PRKAG2: variants seen among roughly 807,000 people sequenced by gnomAD.
PRKAG2 encodes protein kinase AMP-activated non-catalytic subunit gamma 2.
Under a neutral mutation model 69.6 loss-of-function variants are expected in PRKAG2, and 26 were observed. That is an observed-to-expected ratio of 0.37 (90% CI 0.27 to 0.52). PRKAG2 has a LOEUF of 0.52. PRKAG2 is among the 20% of genes least tolerant of loss of function. PRKAG2 has a pLI of 0.90. For synonymous variants in PRKAG2, 293 were observed against 285.0 expected, an observed-to-expected ratio of 1.03 and a Z score of -0.28; for missense variants, 557 against 740.0, an observed-to-expected ratio of 0.75 and a Z score of 2.87.
At chr7:151,734,845 ATTC>A (rs1187094422) in intron 3 of PRKAG2, among the ~76,000 whole-genome samples, 39 of 122,982 alleles carry the variant, frequency 3.2e-4, no homozygotes, top group African/African-American at 1.2e-3. Context: ...CCTAAATCTG[ATTC>A]TTTTTTTTTT....
chr7:151,648,216 A>G (rs1827879274), intron 4 of PRKAG2, among the ~76,000 whole-genome samples: 1 of 152,168 alleles, frequency 6.6e-6, no homozygotes, highest in South Asian at 2.1e-4. Flanking sequence ...TCATTCTATC[A>G]TATCCCCATA....
rs1017264722 is a variant in PRKAG2, at chr7:151,814,229, G to A, written c.115-27688C>T. 6.6e-6 allele frequency among the ~76,000 whole-genome samples: 1 copy of A among 152,292 alleles called. No individual in the cohort carries two copies. The highest frequency in any genetic ancestry group is 2.4e-5 in the African/African-American group (1 of 41,552). The stretch of plus-strand genomic sequence containing the variant: ...AAGGAGAAAACATACAGCTTCCGTG[G>A]AGAGAAGGAACATTTTGCTCAGCCT... On this transcript the variant is annotated intron_variant, in intron 1 of 15. Transcript: ENST00000287878. The surrounding 1 kb of genome is among the most constrained non-coding windows in gnomAD (Gnocchi z 4.8).
rs2076009561 is a variant in PRKAG2 at position 151,771,297 on chromosome 7, C to A, written c.466+9855G>T. ...AACATTATATCACTTCTATCAGCAC[C>A]ACGTTTCTTGTCTTTCCAAGTCTGC... On this transcript the variant is annotated intron_variant, in intron 3 of 15. Coordinates refer to ENST00000287878, the MANE Select transcript of PRKAG2 (RefSeq NM_016203.4). This position sits in a 1 kb window ranked among gnomAD's most constrained non-coding sequence, Gnocchi z 4.0. 6.6e-6 allele frequency among the ~76,000 whole-genome samples: 1 copy of A among 152,112 alleles called. No homozygotes were observed. The highest frequency in any genetic ancestry group is 6.5e-5 in the Admixed American group (1 of 15,274).
intron 3 of PRKAG2, among the ~76,000 whole-genome samples, chr7:151,751,515 A>T (rs925031350): frequency 3.6e-4 from 54 of 150,136 alleles, no homozygotes; most frequent in Non-Finnish European, 5.2e-4. Flanking sequence ...TTATTTATTT[A>T]TTTATTTTTT....
At chr7:151,558,760 A>G in intron 15 of PRKAG2, 1 of 985,436 alleles carries the variant, frequency 1.0e-6, no homozygotes, top group Non-Finnish European at 1.2e-6. Flanking sequence ...TCCAAATTCC[A>G]GCTGGAAATA....
chr7:151,607,546 A>G (rs1455535137), intron 5 of PRKAG2, among the ~76,000 whole-genome samples: 1 of 152,058 alleles, frequency 6.6e-6, no homozygotes, highest in Non-Finnish European at 1.5e-5. Context: ...GGTTATAAGC[A>G]TGAGTCACTG....
chr7:151,766,459 G>T (rs1185270318), intron 3 of PRKAG2, among the ~76,000 whole-genome samples: 1 of 152,190 alleles, frequency 6.6e-6, no homozygotes, highest in Admixed American at 6.5e-5. Context: ...CAACAGACAT[G>T]TTCATCTCAC....
chr7:151,803,821 C>T (rs558177280), intron 1 of PRKAG2, among the ~76,000 whole-genome samples: 14 of 150,904 alleles, frequency 9.3e-5, no homozygotes, highest in Admixed American at 4.6e-4. Flanking sequence ...GCCTATAGTC[C>T]CAGCAACTCA....
intron 9 of PRKAG2, among the ~76,000 whole-genome samples, chr7:151,571,583 A>G (rs143080731): frequency 1.2e-3 from 177 of 152,332 alleles, no homozygotes; most frequent in African/African-American, 3.9e-3. Flanking sequence ...AATATCATGT[A>G]ATGTCAAAAC....
chr7:151,865,889 G>A (rs530058416), intron 1 of PRKAG2, among the ~76,000 whole-genome samples: 20 of 152,108 alleles, frequency 1.3e-4, no homozygotes, highest in South Asian at 2.1e-4. Flanking sequence ...GTGTGGTGGC[G>A]GGCGCCCGTA....
At position 151,675,633 on chromosome 7, in the gene PRKAG2, G is replaced by T. The variant is rs141804012; in HGVS notation, c.471C>A (p.Ser157=). The stretch of plus-strand genomic sequence containing the variant: ...GTGTTGACGGAGAGGAGGAGAGGCC[G>T]GAGGCTGCAGAAGAAACACCAAGGA... ...IRFFSRSRKT[S]GLSSSPSTPT... is the part of the protein sequence containing the mutation. Residue 157 remains serine, a synonymous_variant, in exon 4 of 16, where the codon TCC becomes TCA. Coordinates refer to ENST00000287878, the MANE Select transcript of PRKAG2 (RefSeq NM_016203.4). 4.2e-5 allele frequency: 67 copies of T among 1,612,482 alleles called. No individual in the cohort carries two copies. The highest frequency in any genetic ancestry group is 5.2e-5 in the Non-Finnish European group (61 of 1,178,624).
chr7:151,631,787 G>A (rs1824499585), intron 5 of PRKAG2: 2 of 483,606 alleles, frequency 4.1e-6, no homozygotes, highest in Middle Eastern at 3.3e-4. Context: ...CGAGTTCGGC[G>A]AGTAAGGACA....
At position 151,632,025 on chromosome 7, in the gene PRKAG2, G is replaced by A. The variant is rs1277620994; in HGVS notation, c.754+44C>T. ...CGCGGGTCCCGGTCCTCGGGCGGCC[G>A]GGCCGTGGGAGCGCCGGGCCGGCAG... On this transcript the variant is annotated intron_variant, in intron 5 of 15. Coordinates refer to ENST00000287878, the MANE Select transcript of PRKAG2 (RefSeq NM_016203.4). The surrounding 1 kb of genome is among the most constrained non-coding windows in gnomAD (Gnocchi z 4.2). 2 of 1,269,582 alleles carry A rather than the reference G, an allele frequency of 1.6e-6. No individual in the cohort carries two copies. Among genetic ancestry groups the A allele is most frequent in the Non-Finnish European group, 2.0e-6 (2 of 998,780 alleles). The allele number at this position is 1,269,582 out of a possible 1,614,324, so 78.6% of individuals were successfully genotyped here. A position where few individuals can be genotyped will look rare whatever the true frequency, so the allele number is the denominator to read the frequency against.
At chr7:151,795,864 T>TACACAC (rs1171646056) in intron 1 of PRKAG2, among the ~76,000 whole-genome samples, 1 of 112,072 alleles carries the variant, frequency 8.9e-6, no homozygotes, top group Non-Finnish European at 1.8e-5. Context: ...TATATATATA[T>TACACAC]ATATATATAT....
At chr7:151,729,854 GC>G (rs1798645837) in intron 3 of PRKAG2, among the ~76,000 whole-genome samples, 1 of 152,118 alleles carries the variant, frequency 6.6e-6, no homozygotes, top group Admixed American at 6.5e-5. Context: ...CCGACCCCTC[GC>G]CCTGCCTCCA....
chr7:151,732,789 T>C (rs941043190), intron 3 of PRKAG2, among the ~76,000 whole-genome samples: 5 of 151,964 alleles, frequency 3.3e-5, no homozygotes, highest in Non-Finnish European at 7.4e-5. Flanking sequence ...TCCTCCCGGG[T>C]TTCAGCAATT....
intron 11 of PRKAG2, 117 bp from the exon 12 acceptor site, chr7:151,566,002 G>C: frequency 8.5e-7 from 1 of 1,169,722 alleles, no homozygotes; most frequent in Non-Finnish European, 1.3e-6. Flanking sequence ...TTTTCTAACA[G>C]TCTACCTGGA....
At chr7:151,656,456 T>C (rs1426219178) in intron 4 of PRKAG2, among the ~76,000 whole-genome samples, 1 of 152,124 alleles carries the variant, frequency 6.6e-6, no homozygotes, top group Non-Finnish European at 1.5e-5. Context: ...CTCGGGAGGC[T>C]GAGGCAGAAG....
intron 1 of PRKAG2, among the ~76,000 whole-genome samples, chr7:151,848,226 G>C (rs1042225353): frequency 2.0e-5 from 3 of 152,178 alleles, no homozygotes; most frequent in Non-Finnish European, 2.9e-5. Context: ...GGGCTTGGGG[G>C]TGGTTAGGTC....
Sources: gnomAD v4.1 joint callset for allele counts (sites outside exome capture counted in the v4.1 genomes callset) on GRCh38, gnomAD v4.1.1 for gene constraint, Gnocchi (gnomAD v3.1) non-coding constraint, MANE v1.5 for transcripts, NCBI Gene and HGNC (gene_info 2026-07-23, HGNC 2026-07-21) for gene names.